MRC2: variants seen among roughly 807,000 people sequenced by gnomAD.
MRC2 encodes the protein mannose receptor C-type 2, also known as C-type mannose receptor 2.
In MRC2, 84 loss-of-function variants were observed where a neutral mutation model predicts 206.2. The ratio of observed to expected loss-of-function variants is 0.41; its 90% CI spans 0.34 to 0.49. The LOEUF (loss-of-function observed/expected upper bound fraction) is 0.49. MRC2 is among the 20% of genes least tolerant of loss of function. MRC2 has a pLI of 0.31. For missense variants in MRC2, 1,676 were observed against 2,001.5 expected (o/e 0.84, Z 3.10); for synonymous variants, 798 against 800.0 (o/e 1.00, Z 0.04).
chr17:62,687,808 T>A (rs3786131), intron 20 of MRC2, among the ~76,000 whole-genome samples: 149,291 of 152,032 alleles, frequency 0.98, 73,358 homozygotes, highest in African/African-American at 0.99. Context: ...GTGTGAACCC[T>A]GGAGGTGGAG....
intron 1 of MRC2, among the ~76,000 whole-genome samples, chr17:62,651,524 G>A (rs1320601647): frequency 1.3e-5 from 2 of 152,078 alleles, no homozygotes; most frequent in Admixed American, 1.3e-4. Flanking sequence ...TACCTTTTTT[G>A]TCAAGTGTTA....
rs752168122 is a variant in MRC2, at chr17:62,690,595, C to G, written c.3893-47C>G. The G allele has an allele frequency of 4.5e-6, 7 of 1,542,248 alleles. No individual in the cohort carries two copies. In the South Asian group the frequency reaches 6.4e-5, roughly 14 times the overall value. Reference sequence around the variant, plus strand: ...TGGAGCAGCTCTGGGGGACTCTGCCCCCCCCGGAGACCCATCCGCCCTGAC... The same window carrying G: ...TGGAGCAGCTCTGGGGGACTCTGCCGCCCCCGGAGACCCATCCGCCCTGAC... On this transcript the variant is annotated intron_variant, in intron 26 of 29. Transcript: ENST00000303375.
At chr17:62,631,070 G>T (rs747073838) in intron 1 of MRC2, among the ~76,000 whole-genome samples, 1 of 152,048 alleles carries the variant, frequency 6.6e-6, no homozygotes, top group Non-Finnish European at 1.5e-5. Context: ...CCCATTTTTC[G>T]CACCAGAGAA....
chr17:62,690,895 C>T, intron 27 of MRC2, 54 bp from the exon 28 acceptor site: 1 of 1,511,746 alleles, frequency 6.6e-7, no homozygotes, highest in East Asian at 2.4e-5. Context: ...TGCTCTCCTC[C>T]ACCTACTCCT....
At chr17:62,631,502 G>A (rs1024910187) in intron 1 of MRC2, among the ~76,000 whole-genome samples, 2 of 152,082 alleles carry the variant, frequency 1.3e-5, no homozygotes, top group Non-Finnish European at 2.9e-5. Flanking sequence ...ATCGCATGAA[G>A]CACTGTCAGT....
At chr17:62,633,664 C>T (rs1395301995) in intron 1 of MRC2, among the ~76,000 whole-genome samples, 1 of 148,752 alleles carries the variant, frequency 6.7e-6, no homozygotes, top group East Asian at 2.0e-4. Context: ...CATGACGAAA[C>T]CCAGTCACTA....
At position 62,682,770 on chromosome 17, in the gene MRC2, T is replaced by C. The variant is rs1247724247; in HGVS notation, c.2946+393T>C. 4.6e-5 allele frequency among the ~76,000 whole-genome samples: 7 copies of C among 151,700 alleles called. No individual in the cohort carries two copies. In the South Asian group the frequency reaches 1.5e-3, roughly 32 times the overall value. On this transcript the variant is annotated intron_variant, in intron 20 of 29. Coordinates refer to ENST00000303375, the MANE Select transcript of MRC2 (RefSeq NM_006039.5). ...AATTCTCTTGCCTCAGCCTCCCGAGTAGCTGGGATTACAGGCACCTGCCAC... is the reference window on the plus strand; with the variant it reads ...AATTCTCTTGCCTCAGCCTCCCGAGCAGCTGGGATTACAGGCACCTGCCAC...
At position 62,652,081 on chromosome 17, in the gene MRC2, G is replaced by A. The variant is rs1303947641; in HGVS notation, c.119-12467G>A. ...TCTGCTGACTCTTCAATGAACCAGAGGGGCACGTGTAATATTTCCGCTTTC... is the reference window on the plus strand; with the variant it reads ...TCTGCTGACTCTTCAATGAACCAGAAGGGCACGTGTAATATTTCCGCTTTC... On this transcript the variant is annotated intron_variant, in intron 1 of 29. Coordinates refer to ENST00000303375, the MANE Select transcript of MRC2 (RefSeq NM_006039.5). The surrounding 1 kb of genome is among the most constrained non-coding windows in gnomAD (Gnocchi z 4.6). Among the ~76,000 whole-genome samples, 5 of 152,160 alleles carry A rather than the reference G, an allele frequency of 3.3e-5. No individual in the cohort carries two copies. The highest frequency in any genetic ancestry group is 2.1e-4 in the South Asian group (1 of 4,826).
rs756816295 is a variant in MRC2, at chr17:62,664,607, G to C, written c.178G>C (p.Gly60Arg). ...GCAGGGCTGCCTGGAGGCCCAGGGC[G>C]GGCAGGTCAGAGTCACCCCGGCTTG... ...GLQGCLEAQGGQVRVTPACNT... is the reference protein window; with the variant it reads ...GLQGCLEAQGRQVRVTPACNT... Residue 60 changes from glycine (G) to arginine (R), a missense_variant, in exon 2 of 30, where the codon GGG becomes CGG. Gly to Arg is a moderately radical substitution (Grantham distance 125). This residue lies in a region of MRC2 where 318 missense variants were observed against 346.7 expected (regional missense o/e 0.92). Transcript: ENST00000303375. This position sits in a 1 kb window ranked among gnomAD's most constrained non-coding sequence, Gnocchi z 4.7. 6 of 1,613,312 alleles carry C rather than the reference G, an allele frequency of 3.7e-6. No homozygotes were observed. The African/African-American group carries it at 5.3e-5, about 14-fold the overall frequency.
At chr17:62,656,786 A>G (rs2088624463) in intron 1 of MRC2, among the ~76,000 whole-genome samples, 1 of 152,204 alleles carries the variant, frequency 6.6e-6, no homozygotes, top group African/African-American at 2.4e-5. Context: ...CTGGCTGCAG[A>G]TGATCCTGAG....
chr17:62,682,108 C>T (rs918449145), intron 19 of MRC2, 127 bp from the exon 20 acceptor site: 15 of 1,172,220 alleles, frequency 1.3e-5, no homozygotes, highest in Admixed American at 5.6e-5. Context: ...GACTTGAATT[C>T]GGAGCTGGAC....
intron 1 of MRC2, among the ~76,000 whole-genome samples, chr17:62,635,752 C>G (rs945741405): frequency 3.3e-5 from 5 of 151,958 alleles, no homozygotes; most frequent in Non-Finnish European, 5.9e-5. Context: ...GAGTTTGAGA[C>G]CAGCTGGGGC....
intron 6 of MRC2, among the ~76,000 whole-genome samples, chr17:62,668,753 T>C (rs2088789132): frequency 6.6e-6 from 1 of 152,140 alleles, no homozygotes; most frequent in African/African-American, 2.4e-5. Flanking sequence ...AGGGAGTGTC[T>C]GGTTCTCGTT....
At chr17:62,629,256 G>C (rs565994792) in intron 1 of MRC2, among the ~76,000 whole-genome samples, 12 of 152,210 alleles carry the variant, frequency 7.9e-5, no homozygotes, top group South Asian at 4.1e-4. Context: ...GAAGGGGTGG[G>C]GAGGATGGCC....
intron 1 of MRC2, among the ~76,000 whole-genome samples, chr17:62,639,767 G>A (rs2147434940): frequency 6.6e-6 from 1 of 152,266 alleles, no homozygotes; most frequent in South Asian, 2.1e-4. Context: ...TGGGACTACA[G>A]GCTTGAGCCA....
chr17:62,649,576 GA>G (rs1233950622), intron 1 of MRC2, among the ~76,000 whole-genome samples: 10 of 152,300 alleles, frequency 6.6e-5, no homozygotes, highest in Admixed American at 2.0e-4. Context: ...GCGTGACAGA[GA>G]GAGACTCTGT....
chr17:62,652,871 G>T lies in MRC2; in HGVS notation c.119-11677G>T, dbSNP rs2088573165. On this transcript the variant is annotated intron_variant, in intron 1 of 29. Transcript: ENST00000303375. This position sits in a 1 kb window ranked among gnomAD's most constrained non-coding sequence, Gnocchi z 4.6. ...AGATTGAGGGCGAACGGTGGCTTGG[G>T]GAGGGGCGCTCCTTGGAGTTGGGGG... Among the ~76,000 whole-genome samples the T allele has an allele frequency of 6.6e-6, 1 of 150,842 alleles. No homozygotes were observed. Among genetic ancestry groups the T allele is most frequent in the South Asian group, 2.1e-4 (1 of 4,726 alleles).
Position 62,680,202 on chromosome 17 carries a change from C to A in MRC2, c.2331C>A (p.His777Gln), listed in dbSNP as rs762209246. The A allele has an allele frequency of 1.2e-6, 2 of 1,613,648 alleles. No individual in the cohort carries two copies. Among genetic ancestry groups the A allele is most frequent in the Admixed American group, 1.7e-5 (1 of 59,990 alleles). Residue 777 changes from histidine to glutamine, a missense_variant, in exon 15 of 30, where the codon CAC becomes CAA. His to Gln is a conservative substitution (Grantham distance 24). This residue lies in a region of MRC2 where 1,354 missense variants were observed against 1,636.6 expected (regional missense o/e 0.83). Coordinates refer to ENST00000303375, the MANE Select transcript of MRC2 (RefSeq NM_006039.5). This position sits in a 1 kb window ranked among gnomAD's most constrained non-coding sequence, Gnocchi z 4.8. ...ACCACAATTTCGACCGGAGCCGGCA[C>A]GACGACGACGACATCCGAGGCTGTG... ...FSYHNFDRSR[H>Q]DDDDIRGCAV...
At position 62,667,719 on chromosome 17, in the gene MRC2, T is replaced by G. The variant is rs1459718396; in HGVS notation, c.1117+186T>G. Among the ~76,000 whole-genome samples the G allele has an allele frequency of 6.6e-6, 1 of 152,224 alleles. No individual in the cohort carries two copies. The highest frequency in any genetic ancestry group is 1.5e-5 in the Non-Finnish European group (1 of 68,044). On this transcript the variant is annotated intron_variant, in intron 6 of 29. Coordinates refer to ENST00000303375, the MANE Select transcript of MRC2 (RefSeq NM_006039.5). The surrounding 1 kb of genome is among the most constrained non-coding windows in gnomAD (Gnocchi z 4.1). Reference sequence around the variant, plus strand: ...AAATTGGAATATGTCATTAATTCATTTGGGGAACATGTGCTGAGATCTGTG... The same window carrying G: ...AAATTGGAATATGTCATTAATTCATGTGGGGAACATGTGCTGAGATCTGTG...
Sources: allele counts gnomAD v4.1 joint callset (sites outside exome capture counted in the v4.1 genomes callset), GRCh38; gene constraint gnomAD v4.1.1; regional missense constraint gnomAD v4.1.1; non-coding constraint Gnocchi (gnomAD v3.1); transcripts MANE v1.5; gene names NCBI Gene and HGNC (gene_info 2026-07-23, HGNC 2026-07-21).